The following CDK14 variants were observed in gnomAD, a reference collection of about 807,000 sequenced individuals.
CDK14 encodes the protein cyclin dependent kinase 14, also known as cyclin-dependent kinase 14.
CDK14 carries 34 observed loss-of-function variants against 60.7 expected under a neutral mutation model. The ratio of observed to expected loss-of-function variants is 0.56; its 90% confidence interval spans 0.43 to 0.75. The LOEUF (loss-of-function observed/expected upper bound fraction) is 0.75, where lower values mean the gene tolerates loss of function less well. CDK14 is among the 30% of genes least tolerant of loss of function. The pLI is 0.00. For synonymous variants in CDK14, 197 were observed against 203.7 expected, an observed-to-expected ratio of 0.97 and a Z score of 0.28; for missense variants, 482 against 564.1, an observed-to-expected ratio of 0.85 and a Z score of 1.47.
At chr7:91,056,335 A>G (rs1220533738) in intron 11 of CDK14, among the ~76,000 whole-genome samples, 1 of 152,192 alleles carries the variant, frequency 6.6e-6, no homozygotes, top group Non-Finnish European at 1.5e-5. Flanking sequence ...GTGCCTGGAA[A>G]TATTGGAAGC....
chr7:90,845,482 T>C (rs949604352), intron 5 of CDK14, among the ~76,000 whole-genome samples: 2 of 151,792 alleles, frequency 1.3e-5, no homozygotes, highest in Admixed American at 6.6e-5. Context: ...TTTGAATTAC[T>C]CTTGTTTTGG....
At chr7:91,140,441 T>C (rs1171321551) in intron 14 of CDK14, among the ~76,000 whole-genome samples, 2 of 152,214 alleles carry the variant, frequency 1.3e-5, no homozygotes, top group African/African-American at 4.8e-5. Context: ...AGATGTGAAG[T>C]GGTCATGGGC....
intron 4 of CDK14, among the ~76,000 whole-genome samples, chr7:90,769,656 G>A (rs181147177): frequency 9.9e-5 from 15 of 151,988 alleles, no homozygotes; most frequent in African/African-American, 3.6e-4. Context: ...TAGTAGAGAC[G>A]GGGTTTTGCT....
At chr7:90,815,873 C>T (rs1363927706) in intron 5 of CDK14, among the ~76,000 whole-genome samples, 1 of 151,136 alleles carries the variant, frequency 6.6e-6, no homozygotes, top group Non-Finnish European at 1.5e-5. Flanking sequence ...ACAATGAGAA[C>T]ACATGGACAC....
intron 5 of CDK14, among the ~76,000 whole-genome samples, chr7:90,805,386 C>T (rs1258160385): frequency 1.3e-5 from 2 of 151,996 alleles, no homozygotes; most frequent in Admixed American, 1.3e-4. Flanking sequence ...AAGCTAACAC[C>T]TATTCGTGTT....
chr7:90,992,752 T>C (rs757735946), intron 10 of CDK14, among the ~76,000 whole-genome samples: 148 of 152,184 alleles, frequency 9.7e-4, no homozygotes, highest in Non-Finnish European at 1.7e-3. Flanking sequence ...CCTGCATATG[T>C]TAAATTAAGG....
intron 2 of CDK14, among the ~76,000 whole-genome samples, chr7:90,626,254 C>G (rs1458248095): frequency 6.6e-6 from 1 of 152,124 alleles, no homozygotes; most frequent in African/African-American, 2.4e-5. Context: ...GAGAACTGGT[C>G]ATCACTGTGA....
intron 11 of CDK14, among the ~76,000 whole-genome samples, chr7:91,076,179 A>G (rs1192339178): frequency 6.7e-6 from 1 of 150,228 alleles, no homozygotes; most frequent in African/African-American, 2.4e-5. Context: ...TCCTGAGCAA[A>G]AAGAACAAAG....
At chr7:91,158,819 G>T (rs974734073) in intron 14 of CDK14, among the ~76,000 whole-genome samples, 2 of 152,182 alleles carry the variant, frequency 1.3e-5, no homozygotes, top group Non-Finnish European at 2.9e-5. Context: ...CAGGTGACAT[G>T]TAATGCCCTG....
intron 2 of CDK14, among the ~76,000 whole-genome samples, chr7:90,636,346 G>A (rs552616497): frequency 6.6e-6 from 1 of 152,140 alleles, no homozygotes; most frequent in East Asian, 1.9e-4. Context: ...TAGCATGAAG[G>A]TTATTGAATT....
At chr7:90,623,378 A>G (rs1035483959) in intron 2 of CDK14, among the ~76,000 whole-genome samples, 2 of 152,072 alleles carry the variant, frequency 1.3e-5, no homozygotes, top group African/African-American at 4.8e-5. Flanking sequence ...TGATATCTTT[A>G]TAGTTACTTT....
At chr7:90,841,161 C>T (rs1478760223) in intron 5 of CDK14, among the ~76,000 whole-genome samples, 8 of 152,024 alleles carry the variant, frequency 5.3e-5, no homozygotes, top group Non-Finnish European at 1.0e-4. Context: ...AAAAGTTTTC[C>T]TATTTGAAAA....
intron 3 of CDK14, among the ~76,000 whole-genome samples, chr7:90,733,567 T>C (rs1192802252): frequency 6.6e-6 from 1 of 152,220 alleles, no homozygotes; most frequent in Non-Finnish European, 1.5e-5. Context: ...CCTTTACCAT[T>C]AGTAATGTCC....
chr7:91,204,635 T>C (rs2116015963), intron 14 of CDK14, among the ~76,000 whole-genome samples: 2 of 152,362 alleles, frequency 1.3e-5, no homozygotes, highest in South Asian at 4.1e-4. Flanking sequence ...GATATTCATA[T>C]GGCCAACAGC....
chr7:90,709,415 TG>T (rs1338719501), intron 2 of CDK14: 1 of 1,421,060 alleles, frequency 7.0e-7, no homozygotes, highest in African/African-American at 1.5e-5. Context: ...CTTGATTAAA[TG>T]TTTTTCCTCC....
At chr7:90,717,085 G>A (rs1481068306) in intron 2 of CDK14, among the ~76,000 whole-genome samples, 1 of 151,984 alleles carries the variant, frequency 6.6e-6, no homozygotes, top group Non-Finnish European at 1.5e-5. Context: ...AATAGGGCTG[G>A]TTGTTAGTAA....
chr7:90,730,511 G>T (rs1302111010), intron 3 of CDK14, among the ~76,000 whole-genome samples: 2 of 152,150 alleles, frequency 1.3e-5, no homozygotes, highest in African/African-American at 4.8e-5. Flanking sequence ...AGCCTTTCCA[G>T]CATCTGTTGT....
intron 12 of CDK14, among the ~76,000 whole-genome samples, chr7:91,094,101 C>T (rs1182667036): frequency 3.3e-5 from 5 of 152,020 alleles, no homozygotes; most frequent in Admixed American, 6.6e-5. Flanking sequence ...TGGGATCATT[C>T]GTACTCCAAA....
chr7:90,736,280 G>GCAAAT (rs981404471), intron 3 of CDK14, among the ~76,000 whole-genome samples: 2 of 148,676 alleles, frequency 1.3e-5, no homozygotes, highest in African/African-American at 2.5e-5. Flanking sequence ...CATCTTGCCA[G>GCAAAT]CAAATCCTGT....
Sources: allele counts gnomAD v4.1 joint callset (sites outside exome capture counted in the v4.1 genomes callset), GRCh38; gene constraint gnomAD v4.1.1; transcripts MANE v1.5; gene names NCBI Gene and HGNC (gene_info 2026-07-23, HGNC 2026-07-21).